The following PCDHGB3 variants were observed in gnomAD, a reference collection of about 807,000 sequenced individuals.
The protein encoded by PCDHGB3 is protocadherin gamma subfamily B, 3, also known as protocadherin gamma-B3.
Under a neutral mutation model 59.2 loss-of-function variants are expected in PCDHGB3, and 40 were observed. The observed-to-expected ratio is 0.68, with a 90% CI of 0.52 to 0.88. The LOEUF is 0.88. PCDHGB3 is among the 40% of genes least tolerant of loss of function. The pLI, the probability that PCDHGB3 is intolerant of heterozygous loss-of-function variation, is 0.00. For missense variants in PCDHGB3, 1,309 were observed against 1,187.9 expected, an observed-to-expected ratio of 1.10 and a Z score of -1.50; for synonymous variants, 581 against 503.6, an observed-to-expected ratio of 1.15 and a Z score of -2.06.
rs746357528 is a variant in PCDHGB3, at chr5:141,375,442, C to G, written c.2415+2633C>G. 3.1e-6 allele frequency: 5 copies of G among 1,614,034 alleles called. No homozygotes were observed. In the South Asian group the frequency reaches 3.3e-5, roughly 11 times the overall value. On this transcript the variant is annotated intron_variant, in intron 1 of 3. Coordinates refer to ENST00000576222, the MANE Select transcript of PCDHGB3 (RefSeq NM_018924.5). ...CCAACGACAACCCGCCCACCTTCCC[C>G]CATTCATCCTACTCAGTCTATGTCC... is the stretch of plus-strand genomic sequence containing the variant.
chr5:141,489,776 C>T lies in PCDHGB3; in HGVS notation c.2416-5031C>T. The T allele has an allele frequency of 6.2e-7, 1 of 1,614,202 alleles. No homozygotes were observed. Among genetic ancestry groups the T allele is most frequent in the Non-Finnish European group, 8.5e-7 (1 of 1,180,020 alleles). On this transcript the variant is annotated intron_variant, in intron 1 of 3. Transcript: ENST00000576222. This position sits in a 1 kb window ranked among gnomAD's most constrained non-coding sequence, Gnocchi z 4.5. ...ACTCTAAGCCCCAACAGCCACTTCT[C>T]TCTGAATGTGAAGACCCTAAAAGAT...
chr5:141,478,481 C>A, intron 1 of PCDHGB3: 1 of 1,613,576 alleles, frequency 6.2e-7, no homozygotes, highest in South Asian at 1.1e-5. Flanking sequence ...CCAGAACACG[C>A]TGCGGAGCTG....
rs769074023 is a variant in PCDHGB3, at chr5:141,491,738, G to A, written c.2416-3069G>A. ...GCGCCGCCCCGGGCGACCCCTGGGG[G>A]CGGCACTGGAGAAGCCGCCCGTCCT... On this transcript the variant is annotated intron_variant, in intron 1 of 3. Transcript: ENST00000576222. The surrounding 1 kb of genome is among the most constrained non-coding windows in gnomAD (Gnocchi z 6.9). 6.2e-7 allele frequency: 1 copy of A among 1,600,346 alleles called. No homozygotes were observed. The highest frequency in any genetic ancestry group is 8.5e-7 in the Non-Finnish European group (1 of 1,174,196).
intron 1 of PCDHGB3, chr5:141,416,429 G>A (rs952059043): frequency 1.3e-5 from 2 of 152,144 alleles, no homozygotes; most frequent in African/African-American, 4.8e-5. Flanking sequence ...AGTGACTAAG[G>A]CTGAAAGTAA....
intron 1 of PCDHGB3, chr5:141,423,252 C>T (rs2096724826): frequency 1.2e-6 from 2 of 1,613,802 alleles, no homozygotes; most frequent in South Asian, 2.2e-5. Context: ...TCCTGGCGGA[C>T]CTCGGCAGCC....
chr5:141,482,609 A>G (rs2099569274), intron 1 of PCDHGB3, among the ~76,000 whole-genome samples: 1 of 151,770 alleles, frequency 6.6e-6, no homozygotes, highest in African/African-American at 2.4e-5. Context: ...AAACACCTAA[A>G]TGAGCCTGGA....
rs1167295957 is a variant in PCDHGB3 at position 141,382,977 on chromosome 5, CT to C, written c.2415+10169del. On this transcript the variant is annotated intron_variant, in intron 1 of 3. Coordinates refer to ENST00000576222, the MANE Select transcript of PCDHGB3 (RefSeq NM_018924.5). Reference sequence around the variant, plus strand: ...TCCTCCTGGGGACCCCCTGGGAAGCCTGGGCAGGACGTATTCTCTACTCCGT... The same window carrying C: ...TCCTCCTGGGGACCCCCTGGGAAGCCGGGCAGGACGTATTCTCTACTCCGT... The C allele has an allele frequency of 4.3e-6, 7 of 1,610,566 alleles. No homozygotes were observed. The South Asian group carries it at 7.7e-5, about 18-fold the overall frequency.
chr5:141,410,489 G>A, intron 1 of PCDHGB3: 3 of 1,613,972 alleles, frequency 1.9e-6, no homozygotes, highest in Non-Finnish European at 1.7e-6. Context: ...GGGTACAAAA[G>A]AGTTTAATTT....
At position 141,476,717 on chromosome 5, in the gene PCDHGB3, G is replaced by A. The variant is rs2099397053; in HGVS notation, c.2416-18090G>A. 6.2e-7 allele frequency: 1 copy of A among 1,614,048 alleles called. No homozygotes were observed. The stretch of plus-strand genomic sequence containing the variant: ...GTACGCGGAGCTGGTGTTGGAGCGC[G>A]CCCTGGACCGAGAACGGGAGCCTAG... On this transcript the variant is annotated intron_variant, in intron 1 of 3. Transcript: ENST00000576222. This position sits in a 1 kb window ranked among gnomAD's most constrained non-coding sequence, Gnocchi z 7.6.
At chr5:141,405,440 GAC>G (rs1297950312) in intron 1 of PCDHGB3, 3 of 1,417,402 alleles carry the variant, frequency 2.1e-6, no homozygotes, top group Non-Finnish European at 2.9e-6. Flanking sequence ...TTGTTTTTGA[GAC>G]AGAGTCTTAC....
At chr5:141,403,594 C>A in intron 1 of PCDHGB3, 2 of 1,613,848 alleles carry the variant, frequency 1.2e-6, no homozygotes, top group Non-Finnish European at 1.7e-6. Context: ...TCCTCACGGC[C>A]TCGGATGGCG....
intron 1 of PCDHGB3, chr5:141,422,104 T>C: frequency 6.2e-7 from 1 of 1,607,960 alleles, no homozygotes; most frequent in Non-Finnish European, 8.5e-7. Context: ...TTCTGAAATA[T>C]TCCAATTGGA....
chr5:141,430,328 T>C (rs961978065), intron 1 of PCDHGB3, among the ~76,000 whole-genome samples: 1 of 152,036 alleles, frequency 6.6e-6, no homozygotes, highest in Non-Finnish European at 1.5e-5. Flanking sequence ...AAATCATTGT[T>C]TATAGAAACT....
intron 1 of PCDHGB3, chr5:141,398,701 C>G (rs757215015): frequency 6.2e-7 from 1 of 1,613,658 alleles, no homozygotes; most frequent in African/African-American, 1.3e-5. Flanking sequence ...TAGTAAATAC[C>G]CGGAACTGGC....
At chr5:141,408,956 A>G in intron 1 of PCDHGB3, 1 of 1,613,714 alleles carries the variant, frequency 6.2e-7, no homozygotes, top group Non-Finnish European at 8.5e-7. Flanking sequence ...AATTAGTCTT[A>G]GTGAAAATCT....
chr5:141,432,070 T>C lies in PCDHGB3; in HGVS notation c.2415+59261T>C. 6.2e-7 allele frequency: 1 copy of C among 1,614,136 alleles called. No homozygotes were observed. The highest frequency in any genetic ancestry group is 2.2e-5 in the East Asian group (1 of 44,860). ...CCCCGCCCCTATCCACGGAAACTCATATCTCGCTGAACGTGGCAGACACCA... is the reference window on the plus strand; with the variant it reads ...CCCCGCCCCTATCCACGGAAACTCACATCTCGCTGAACGTGGCAGACACCA... On this transcript the variant is annotated intron_variant, in intron 1 of 3. Transcript: ENST00000576222. The surrounding 1 kb of genome is among the most constrained non-coding windows in gnomAD (Gnocchi z 6.0).
At chr5:141,412,935 G>T in intron 1 of PCDHGB3, 1 of 453,864 alleles carries the variant, frequency 2.2e-6, no homozygotes, top group East Asian at 3.4e-5. Flanking sequence ...AACTTCTTAG[G>T]ACTCTGAGCG....
At chr5:141,473,988 G>C (rs1006988447) in intron 1 of PCDHGB3, among the ~76,000 whole-genome samples, 8 of 152,118 alleles carry the variant, frequency 5.3e-5, no homozygotes, top group Non-Finnish European at 4.4e-5. Context: ...AGGATCCCTT[G>C]AGCCCAAGGA....
chr5:141,387,122 A>G (rs960154825), intron 1 of PCDHGB3, among the ~76,000 whole-genome samples: 24 of 152,234 alleles, frequency 1.6e-4, no homozygotes, highest in African/African-American at 5.5e-4. Flanking sequence ...CTGTAATGAA[A>G]TCACTGAAAC....
Sources: gnomAD v4.1 joint callset for allele counts (sites outside exome capture counted in the v4.1 genomes callset) on GRCh38, gnomAD v4.1.1 for gene constraint, Gnocchi (gnomAD v3.1) non-coding constraint, MANE v1.5 for transcripts, NCBI Gene and HGNC (gene_info 2026-07-23, HGNC 2026-07-21) for gene names.